The following NFKBIA variants were observed in gnomAD, a reference collection of about 807,000 sequenced individuals.
NFKBIA encodes the protein NF-kappa-B inhibitor alpha.
NFKBIA carries 10 observed loss-of-function variants against 36.3 expected under a neutral mutation model. The ratio of observed to expected loss-of-function variants is 0.28; its 90% CI spans 0.17 to 0.47. The LOEUF (loss-of-function observed/expected upper bound fraction) is 0.47, where lower values mean the gene tolerates loss of function less well. Among genes scored for constraint, NFKBIA ranks in the 20% least tolerant of loss-of-function variants. NFKBIA has a pLI of 0.99. For missense variants in NFKBIA, 355 were observed against 399.3 expected, an observed-to-expected ratio of 0.89 and a Z score of 0.94; for synonymous variants, 205 against 164.4, an observed-to-expected ratio of 1.25 and a Z score of -1.89.
In NFKBIA at chr14:35,404,575, G is replaced by A. The variant is rs2138834290; in HGVS notation, c.70C>T (p.Arg24Trp). ...CTGTCGTGGCGGTCGTCCAGTAGCC[G>A]CTCCTTCTTCAGCCCGTCGCGGGGG... is the stretch of plus-strand genomic sequence containing the variant. ...EGPRDGLKKERLLDDRHDSGL... is the reference protein window; with the variant it reads ...EGPRDGLKKEWLLDDRHDSGL... The change falls in exon 1 of 6, where the codon CGG (arginine) becomes TGG (tryptophan). Residue 24 changes from arginine to tryptophan, a missense_variant. By Grantham distance (101) the Arg-to-Trp change is moderately radical (BLOSUM62 -3). Coordinates refer to ENST00000216797, the MANE Select transcript of NFKBIA (RefSeq NM_020529.3). 1 of 1,591,630 alleles carries A rather than the reference G, an allele frequency of 6.3e-7. No individual in the cohort carries two copies. The highest frequency in any genetic ancestry group is 8.5e-7 in the Non-Finnish European group (1 of 1,170,434).
At chr14:35,404,364 C>T in intron 1 of NFKBIA, 54 bp downstream of exon 1, 1 of 908,188 alleles carries the variant, frequency 1.1e-6, no homozygotes, top group Non-Finnish European at 1.6e-6. Context: ...CACCCCCAGG[C>T]CGCGCGCGTC....
intron 5 of NFKBIA, 137 bp from the exon 6 acceptor site, chr14:35,402,197 TGAGA>T (rs987886238): frequency 2.4e-6 from 3 of 1,264,694 alleles, no homozygotes; most frequent in Non-Finnish European, 3.4e-6. Flanking sequence ...CTTTACAGGC[TGAGA>T]GAGTTTGCCT....
In NFKBIA at chr14:35,403,288, G is replaced by C; in HGVS notation, c.409C>G (p.Pro137Ala). 6.2e-7 allele frequency: 1 copy of C among 1,613,990 alleles called. No homozygotes were observed. The highest frequency in any genetic ancestry group is 1.7e-4 in the Middle Eastern group (1 of 5,924). ...AEALLGAGCD[P>A]ELRDFRGNTP... The stretch of plus-strand genomic sequence containing the variant: ...TTTCCTCGAAAGTCTCGGAGCTCAG[G>C]ATCACAGCCAGCTCCCAGAAGTGCC... Residue 137 changes from proline (P) to alanine (A), a missense_variant, in exon 3 of 6, where the codon CCT becomes GCT. By Grantham distance (27) the Pro-to-Ala change is conservative (BLOSUM62 -1). Coordinates refer to ENST00000216797, the MANE Select transcript of NFKBIA (RefSeq NM_020529.3).
Position 35,404,729 on chromosome 14 carries a change from G to T in NFKBIA, c.-85C>A, listed in dbSNP as rs1169795682. 9.9e-7 allele frequency: 1 copy of T among 1,012,216 alleles called. No homozygotes were observed. Among genetic ancestry groups the T allele is most frequent in the Non-Finnish European group, 1.3e-6 (1 of 766,874 alleles). 62.7% of individuals were successfully genotyped at this position (1,012,216 alleles called of 1,614,324 possible). A position where few individuals can be genotyped will look rare whatever the true frequency, so the allele number is the denominator to read the frequency against. Reference sequence around the variant, plus strand: ...TCCTCGCTGGGGCGCTGGCGGGCGGGACGGCGGCACGGACTGCTGTGGGCT... The same window carrying T: ...TCCTCGCTGGGGCGCTGGCGGGCGGTACGGCGGCACGGACTGCTGTGGGCT... On this transcript the variant is annotated 5_prime_UTR_variant, in exon 1 of 6. Coordinates refer to ENST00000216797, the MANE Select transcript of NFKBIA (RefSeq NM_020529.3).
At position 35,402,796 on chromosome 14, in the gene NFKBIA, G is replaced by A. The variant is rs745392200; in HGVS notation, c.611C>T (p.Ser204Phe). 2 of 1,614,206 alleles carry A rather than the reference G, an allele frequency of 1.2e-6. No individual in the cohort carries two copies. ...GYLGIVELLV[S>F]LGADVNAQEP... is the part of the protein sequence containing the mutation. ...CTGAGCATTGACATCAGCACCCAAG[G>A]ACACCAAAAGCTCCACGATGCCCAG... Residue 204 changes from serine to phenylalanine, a missense_variant, in exon 4 of 6, where the codon TCC (serine) becomes TTC (phenylalanine). By Grantham distance (155) the Ser-to-Phe change is radical. Coordinates refer to ENST00000216797, the MANE Select transcript of NFKBIA (RefSeq NM_020529.3).
chr14:35,403,210 G>C lies in NFKBIA; in HGVS notation c.487C>G (p.Leu163Val). 1 of 1,612,556 alleles carries C rather than the reference G, an allele frequency of 6.2e-7. No individual in the cohort carries two copies. Among genetic ancestry groups the C allele is most frequent in the Non-Finnish European group, 8.5e-7 (1 of 1,179,998 alleles). ...TGCGGGGTGGTGCAGGACTGAGTCA[G>C]GACTCCCACGCTGGCCAGGCAGCCC... ...EQGCLASVGV[L>V]TQSCTTPHLH... The change falls in exon 3 of 6, where the codon CTG becomes GTG. Residue 163 changes from leucine to valine, a missense_variant. Leu to Val is a conservative substitution (Grantham distance 32). Transcript: ENST00000216797.
chr14:35,402,522 G>A lies in NFKBIA; in HGVS notation c.778C>T (p.Arg260Cys), dbSNP rs528542318. 4 of 1,614,180 alleles carry A rather than the reference G, an allele frequency of 2.5e-6. No homozygotes were observed. The highest frequency in any genetic ancestry group is 1.3e-5 in the African/African-American group (1 of 75,042). Residue 260 changes from arginine (R) to cysteine (C), a missense_variant, in exon 5 of 6, where the codon CGC becomes TGC. Coordinates refer to ENST00000216797, the MANE Select transcript of NFKBIA (RefSeq NM_020529.3). Reference protein sequence around the residue: ...GYSPYQLTWGRPSTRIQQQLG... With the variant: ...GYSPYQLTWGCPSTRIQQQLG... Reference sequence around the variant, plus strand: ...TGCTGCTGTATCCGGGTGCTTGGGCGGCCCCAGGTGAGCTGGTAGGGAGAA... The same window carrying A: ...TGCTGCTGTATCCGGGTGCTTGGGCAGCCCCAGGTGAGCTGGTAGGGAGAA...
At chr14:35,404,230 C>T in intron 1 of NFKBIA, 188 bp downstream of exon 1, 2 of 340,602 alleles carry the variant, frequency 5.9e-6, no homozygotes, top group Non-Finnish European at 1.0e-5. Flanking sequence ...CCGAGTTGGG[C>T]CGGTGCCCCG....
In NFKBIA at chr14:35,402,548, T is replaced by TA; in HGVS notation, c.751dup (p.Tyr251LeufsTer34). 1 of 1,614,198 alleles carries TA rather than the reference T, an allele frequency of 6.2e-7. No individual in the cohort carries two copies. Among genetic ancestry groups the TA allele is most frequent in the Non-Finnish European group, 8.5e-7 (1 of 1,180,032 alleles). On this transcript the variant is annotated frameshift_variant, in exon 5 of 6. Transcript: ENST00000216797. LOFTEE classifies it high-confidence loss of function. The stretch of plus-strand genomic sequence containing the variant: ...GCCCCAGGTGAGCTGGTAGGGAGAA[T>TA]AGCCCTGGTAGGTAACTCTGTTGAC...
chr14:35,403,920 T>C (rs1248773984), intron 1 of NFKBIA, 122 bp from the exon 2 acceptor site: 11 of 740,850 alleles, frequency 1.5e-5, no homozygotes, highest in Non-Finnish European at 2.4e-5. Flanking sequence ...CGCGGTGTTT[T>C]CCGCGAGGTT....
chr14:35,401,901 T>C lies in NFKBIA; in HGVS notation c.*112A>G, dbSNP rs762277256. ...ACGTTTTGGGCCAGGCAGTGTGCAG[T>C]GTGGATATAAGTACACCCTTTAAAT... On this transcript the variant is annotated 3_prime_UTR_variant, in exon 6 of 6. Coordinates refer to ENST00000216797, the MANE Select transcript of NFKBIA (RefSeq NM_020529.3). The C allele has an allele frequency of 3.3e-6, 4 of 1,198,466 alleles. No homozygotes were observed. The highest frequency in any genetic ancestry group is 4.9e-6 in the Non-Finnish European group (4 of 815,428). 74.2% of individuals were successfully genotyped at this position (1,198,466 alleles called of 1,614,324 possible). A position where few individuals can be genotyped will look rare whatever the true frequency, so the allele number is the denominator to read the frequency against.
In NFKBIA at chr14:35,403,148, A is replaced by G. The variant is rs113316639; in HGVS notation, c.547+2T>C. On this transcript the variant is annotated splice_donor_variant, in intron 3 of 5. Coordinates refer to ENST00000216797, the MANE Select transcript of NFKBIA (RefSeq NM_020529.3). LOFTEE classifies it high-confidence loss of function. ...TGGGGCAGGGCAGGGAGGCAGACAT[A>G]CCATTGTAGTTGGTAGCCTTCAGGA... 1 of 1,609,784 alleles carries G rather than the reference A, an allele frequency of 6.2e-7. No homozygotes were observed.
At chr14:35,404,142 C>T (rs2052761713) in intron 1 of NFKBIA, 3 of 376,112 alleles carry the variant, frequency 8.0e-6, no homozygotes, top group South Asian at 7.7e-5. Context: ...GCCGCCCCGC[C>T]CCCGGCCTAG....
At chr14:35,403,525 A>C (rs2052751338) in intron 2 of NFKBIA, 165 bp from the exon 3 acceptor site, 1 of 887,626 alleles carries the variant, frequency 1.1e-6, no homozygotes, top group East Asian at 2.6e-5. Context: ...GACCTCACCA[A>C]ATCAGTGGAA....
chr14:35,404,161 T>A, intron 1 of NFKBIA: 1 of 329,434 alleles, frequency 3.0e-6, no homozygotes, highest in South Asian at 3.3e-5. Flanking sequence ...AGAGGACGGG[T>A]CTGGGGGGAG....
Position 35,404,469 on chromosome 14 carries a change from A to G in NFKBIA, c.176T>C (p.Val59Ala), listed in dbSNP as rs2052767420. The G allele has an allele frequency of 6.4e-7, 1 of 1,572,394 alleles. No homozygotes were observed. The highest frequency in any genetic ancestry group is 8.6e-7 in the Non-Finnish European group (1 of 1,156,532). Residue 59 changes from valine to alanine, a missense_variant, in exon 1 of 6, where the codon GTG becomes GCG. Physicochemically the swap from Val to Ala is moderately conservative, Grantham distance 64. Transcript: ENST00000216797. ...CTTCCAGGGCTCCGAGCCGCGCGGC[A>G]CCTCCTGCGGCTCGAGGCGGATCTC... ...LQEIRLEPQE[V>A]PRGSEPWKQQ...
Position 35,404,633 on chromosome 14 carries a change from C to T in NFKBIA, c.12G>A (p.Ala4=), listed in dbSNP as rs769557443. ...TGGCCCACTCCTGGGGGCGCTCGGCCGCCTGGAACATGGCGCGGACGAGCT... is the reference window on the plus strand; with the variant it reads ...TGGCCCACTCCTGGGGGCGCTCGGCTGCCTGGAACATGGCGCGGACGAGCT... MFQ[A]AERPQEWAME... is the part of the protein sequence containing the mutation. The change falls in exon 1 of 6, where the codon GCG becomes GCA. Residue 4 remains alanine, a synonymous_variant. Transcript: ENST00000216797. The T allele has an allele frequency of 4.6e-6, 7 of 1,509,294 alleles. No individual in the cohort carries two copies. The highest frequency in any genetic ancestry group is 6.2e-6 in the Non-Finnish European group (7 of 1,128,204). The allele number at this position is 1,509,294 out of a possible 1,614,324, so 93.5% of individuals were successfully genotyped here. A position where few individuals can be genotyped will look rare whatever the true frequency, so the allele number is the denominator to read the frequency against.
At chr14:35,402,238 G>A (rs376059961) in intron 5 of NFKBIA, among the ~76,000 whole-genome samples, 156 bp downstream of exon 5, 1 of 25,334 alleles carries the variant, frequency 3.9e-5, no homozygotes, top group Admixed American at 2.7e-4. Context: ...AAAAAAGAGG[G>A]GGGGCAGGTA....
chr14:35,402,830 G>T lies in NFKBIA; in HGVS notation c.577C>A (p.His193Asn), dbSNP rs2052742904. Residue 193 changes from histidine (H) to asparagine (N), a missense_variant, in exon 4 of 6, where the codon CAT (histidine) becomes AAT (asparagine). Physicochemically the swap from His to Asn is moderately conservative, Grantham distance 68 (BLOSUM62 1). Coordinates refer to ENST00000216797, the MANE Select transcript of NFKBIA (RefSeq NM_020529.3). ...GHTCLHLASI[H>N]GYLGIVELLV... is the part of the protein sequence containing the mutation. ...AGCTCCACGATGCCCAGGTAGCCAT[G>T]GATAGAGGCTAAGTGTAGACACGTG... The T allele has an allele frequency of 5.0e-6, 8 of 1,614,190 alleles. No individual in the cohort carries two copies. The highest frequency in any genetic ancestry group is 5.9e-6 in the Non-Finnish European group (7 of 1,180,030).
Sources: gnomAD v4.1 joint callset for allele counts (sites outside exome capture counted in the v4.1 genomes callset) on GRCh38, gnomAD v4.1.1 for gene constraint, MANE v1.5 for transcripts, NCBI Gene and HGNC (gene_info 2026-07-23, HGNC 2026-07-21) for gene names.